MSI2: variants seen among roughly 807,000 people sequenced by gnomAD.
MSI2 encodes the protein musashi RNA binding protein 2.
Under a neutral mutation model 45.6 loss-of-function variants are expected in MSI2, and 17 were observed. That is an observed-to-expected ratio of 0.37 (90% CI 0.26 to 0.56). MSI2 has a LOEUF of 0.56. Ranked by LOEUF, MSI2 falls within the 20% of genes least tolerant of loss-of-function variation. The probability of loss-of-function intolerance (pLI) is 0.77; values close to 1 mark genes in which losing one functional copy is unlikely to be tolerated. For missense variants in MSI2, 293 were observed against 444.2 expected (o/e 0.66, Z 3.06); for synonymous variants, 156 against 158.2 (o/e 0.99, Z 0.11).
In MSI2 at chr17:57,284,137, C is replaced by T. The variant is rs182706452; in HGVS notation, c.312+21945C>T. Among the ~76,000 whole-genome samples the T allele has an allele frequency of 3.7e-3, 565 of 152,216 alleles. 7 individuals carry two copies. The highest frequency in any genetic ancestry group is 0.019 in the South Asian group (93 of 4,808). ...AGGGGCCCGCTGAGTTGAGCATTGC[C>T]CAAGTATTGGTTTCTTTTCATCCCT... On this transcript the variant is annotated intron_variant, in intron 5 of 13. Transcript: ENST00000284073.
intron 12 of MSI2, among the ~76,000 whole-genome samples, chr17:57,676,625 C>G (rs1042762657): frequency 6.6e-6 from 1 of 152,194 alleles, no homozygotes; most frequent in Non-Finnish European, 1.5e-5. Flanking sequence ...GATTTCTTCT[C>G]CCCAGCTAGA....
chr17:57,380,122 A>G (rs73991809), intron 5 of MSI2, among the ~76,000 whole-genome samples: 3,459 of 152,228 alleles, frequency 0.023, 115 homozygotes, highest in African/African-American at 0.073. Flanking sequence ...AGCCAATGCC[A>G]GGATGACTGT....
intron 7 of MSI2, among the ~76,000 whole-genome samples, chr17:57,534,358 T>G (rs917440463): frequency 5.3e-5 from 8 of 152,194 alleles, no homozygotes; most frequent in Non-Finnish European, 1.0e-4. Flanking sequence ...TTAAGGCACA[T>G]AAGTTTGGAA....
intron 5 of MSI2, among the ~76,000 whole-genome samples, chr17:57,384,027 C>A (rs2144040374): frequency 6.6e-6 from 1 of 152,374 alleles, no homozygotes; most frequent in South Asian, 2.1e-4. Flanking sequence ...AAACTGAAAA[C>A]TGACTCTTCA....
At chr17:57,563,746 G>GCGCGCACACACACACACACACACACACA (rs534460755) in intron 7 of MSI2, among the ~76,000 whole-genome samples, 15 of 139,398 alleles carry the variant, frequency 1.1e-4, no homozygotes, top group Non-Finnish European at 2.2e-4. Context: ...ACACAGGCGC[G>GCGCGCACACACACACACACACACACACA]CACACACACA....
chr17:57,544,477 G>A (rs2087120667), intron 7 of MSI2, among the ~76,000 whole-genome samples: 1 of 152,136 alleles, frequency 6.6e-6, no homozygotes, highest in Non-Finnish European at 1.5e-5. Flanking sequence ...AATGCACGGG[G>A]TAGGGCGCTG....
intron 5 of MSI2, among the ~76,000 whole-genome samples, chr17:57,341,848 G>T (rs1355849567): frequency 1.3e-5 from 2 of 152,110 alleles, no homozygotes; most frequent in East Asian, 3.8e-4. Flanking sequence ...ATTTGCCTTT[G>T]TTGCTCAACT....
chr17:57,377,936 G>A (rs138672936), intron 5 of MSI2, among the ~76,000 whole-genome samples: 2,693 of 152,124 alleles, frequency 0.018, 80 homozygotes, highest in African/African-American at 0.061. Flanking sequence ...TTAGCCAGGC[G>A]TGGTGGTGTG....
chr17:57,491,890 C>T (rs2085879811), intron 6 of MSI2, among the ~76,000 whole-genome samples: 1 of 152,038 alleles, frequency 6.6e-6, no homozygotes. Flanking sequence ...ACAAGTCTGG[C>T]CAGAAGGAAG....
rs1362624016 is a variant in MSI2 at position 57,256,769 on chromosome 17, C to T, written c.27C>T (p.Thr9=). The T allele has an allele frequency of 6.1e-6, 9 of 1,478,468 alleles. No homozygotes were observed. In the African/African-American group the frequency reaches 1.2e-4, roughly 19 times the overall value. 91.6% of individuals were successfully genotyped at this position (1,478,468 alleles called of 1,614,324 possible). The part of the protein sequence containing the change: MEANGSQG[T]SGSANDSQHD... ...TGGAGGCAAATGGGAGCCAAGGCAC[C>T]TCGGGCAGCGCCAACGACTCCCAGC... The change falls in exon 1 of 14, where the codon ACC becomes ACT. Residue 9 remains threonine (T), a synonymous_variant. Transcript: ENST00000284073.
intron 10 of MSI2, among the ~76,000 whole-genome samples, chr17:57,648,076 C>T (rs866917906): frequency 6.6e-6 from 1 of 151,780 alleles, no homozygotes; most frequent in Non-Finnish European, 1.5e-5. Context: ...GATTCTCCTG[C>T]CTCAGCCTCC....
At chr17:57,663,570 C>T (rs748285216) in intron 11 of MSI2, among the ~76,000 whole-genome samples, 22 of 152,136 alleles carry the variant, frequency 1.4e-4, no homozygotes, top group Admixed American at 5.2e-4. Flanking sequence ...GTCCTGGAGT[C>T]CGGGTCCGTC....
chr17:57,647,833 G>C (rs933869059), intron 10 of MSI2, among the ~76,000 whole-genome samples: 2 of 151,948 alleles, frequency 1.3e-5, no homozygotes, highest in African/African-American at 2.4e-5. Context: ...GTAGAGACAG[G>C]GTTTCACTAT....
chr17:57,373,021 G>A (rs1484588497), intron 5 of MSI2, among the ~76,000 whole-genome samples: 1 of 152,304 alleles, frequency 6.6e-6, no homozygotes, highest in East Asian at 1.9e-4. Flanking sequence ...AGCCAAGGCA[G>A]GTGGATCACC....
chr17:57,619,965 C>G (rs1381361405), intron 9 of MSI2, among the ~76,000 whole-genome samples: 2 of 152,238 alleles, frequency 1.3e-5, no homozygotes, highest in African/African-American at 4.8e-5. Context: ...AGGCCTTTGC[C>G]TTTTGCCTGC....
chr17:57,328,817 T>C (rs1215803608), intron 5 of MSI2, among the ~76,000 whole-genome samples: 1 of 151,640 alleles, frequency 6.6e-6, no homozygotes, highest in Non-Finnish European at 1.5e-5. Context: ...AAAGTTTGTG[T>C]GTTTGGTTTG....
At chr17:57,556,900 T>C (rs960140932) in intron 7 of MSI2, among the ~76,000 whole-genome samples, 8 of 152,224 alleles carry the variant, frequency 5.3e-5, no homozygotes, top group Non-Finnish European at 1.0e-4. Flanking sequence ...ATATGTATAA[T>C]GTCTGGCCTT....
chr17:57,532,619 T>A (rs1275538117), intron 7 of MSI2, among the ~76,000 whole-genome samples: 1 of 152,108 alleles, frequency 6.6e-6, no homozygotes, highest in Non-Finnish European at 1.5e-5. Flanking sequence ...CCTGATGGAG[T>A]GCACATTTGG....
At chr17:57,547,221 T>C (rs908801283) in intron 7 of MSI2, among the ~76,000 whole-genome samples, 2 of 152,032 alleles carry the variant, frequency 1.3e-5, no homozygotes, top group African/African-American at 4.8e-5. Context: ...GTGGTAGAGA[T>C]GACTGAGAGA....
Sources: gnomAD v4.1 joint callset for allele counts (sites outside exome capture counted in the v4.1 genomes callset) on GRCh38, gnomAD v4.1.1 for gene constraint, MANE v1.5 for transcripts, NCBI Gene and HGNC (gene_info 2026-07-23, HGNC 2026-07-21) for gene names.